The following PAPPA2 variants were observed in gnomAD, a reference collection of about 807,000 sequenced individuals.
PAPPA2 encodes pappalysin-2.
PAPPA2 carries 86 observed loss-of-function variants against 176.4 expected under a neutral mutation model. The observed-to-expected ratio is 0.49, with a 90% CI of 0.41 to 0.58. PAPPA2 has a LOEUF of 0.58. PAPPA2 is among the 20% of genes least tolerant of loss of function. The pLI, the probability that PAPPA2 is intolerant of heterozygous loss-of-function variation, is 0.00. For missense variants in PAPPA2, 2,073 were observed against 2,256.9 expected (o/e 0.92, Z 1.65); for synonymous variants, 809 against 852.2 (o/e 0.95, Z 0.88).
intron 3 of PAPPA2, among the ~76,000 whole-genome samples, chr1:176,662,546 A>T (rs1473007461): frequency 2.7e-5 from 4 of 150,294 alleles, no homozygotes; most frequent in Admixed American, 2.6e-4. Context: ...GCACTTTTTC[A>T]TGTGTATGTT....
chr1:176,530,189 TTCCCAG>T (rs1649734174), intron 1 of PAPPA2, among the ~76,000 whole-genome samples: 1 of 152,186 alleles, frequency 6.6e-6, no homozygotes, highest in African/African-American at 2.4e-5. Flanking sequence ...AGACATGATT[TTCCCAG>T]TCATTTGGAA....
At chr1:176,604,134 C>T (rs757776231) in intron 3 of PAPPA2, among the ~76,000 whole-genome samples, 13 of 152,192 alleles carry the variant, frequency 8.5e-5, no homozygotes, top group Admixed American at 1.3e-4. Context: ...AGCTAACTTT[C>T]CCACTTTCTT....
At chr1:176,770,005 T>A (rs939427282) in intron 16 of PAPPA2, among the ~76,000 whole-genome samples, 2 of 152,248 alleles carry the variant, frequency 1.3e-5, no homozygotes, top group Non-Finnish European at 2.9e-5. Context: ...TGAAGGAATC[T>A]TAGACTTTCC....
chr1:176,609,089 G>C (rs1654769271), intron 3 of PAPPA2, among the ~76,000 whole-genome samples: 1 of 152,196 alleles, frequency 6.6e-6, no homozygotes, highest in African/African-American at 2.4e-5. Flanking sequence ...AGTTCCTATA[G>C]TAATCTAGAT....
chr1:176,708,902 A>G (rs2102831344), intron 10 of PAPPA2, among the ~76,000 whole-genome samples: 1 of 152,260 alleles, frequency 6.6e-6, no homozygotes, highest in African/African-American at 2.4e-5. Flanking sequence ...GTTATTTTGA[A>G]TCTTAATCTT....
intron 2 of PAPPA2, among the ~76,000 whole-genome samples, chr1:176,572,722 CT>C (rs1652422786): frequency 6.6e-6 from 1 of 152,204 alleles, no homozygotes; most frequent in Non-Finnish European, 1.5e-5. Context: ...AATACTAATG[CT>C]GTGAAAGTCA....
rs762972499 is a variant in PAPPA2 at position 176,769,745 on chromosome 1, C to T, written c.4462C>T (p.Arg1488Cys). The T allele has an allele frequency of 3.8e-5, 61 of 1,612,524 alleles. No individual in the cohort carries two copies. The highest frequency in any genetic ancestry group is 8.0e-5 in the African/African-American group (6 of 74,758). ...SCSEGTKFLK[R>C]CSISCVPPAK... ...CTCAGAGGGAACCAAATTTCTGAAACGCTGCTCAATCTCTTGTGTCCCACC... is the reference window on the plus strand; with the variant it reads ...CTCAGAGGGAACCAAATTTCTGAAATGCTGCTCAATCTCTTGTGTCCCACC... Residue 1488 changes from arginine (R) to cysteine (C), a missense_variant, in exon 16 of 23, where the codon CGC becomes TGC. Physicochemically the swap from Arg to Cys is radical, Grantham distance 180 (BLOSUM62 -3). This residue lies in a region of PAPPA2 where 846 missense variants were observed against 857.9 expected (regional missense o/e 0.99). Coordinates refer to ENST00000367662, the MANE Select transcript of PAPPA2 (RefSeq NM_020318.3).
intron 21 of PAPPA2, among the ~76,000 whole-genome samples, chr1:176,822,585 G>C (rs988102167): frequency 2.0e-5 from 3 of 152,156 alleles, no homozygotes; most frequent in African/African-American, 7.2e-5. Flanking sequence ...GAGCTTATGA[G>C]GCTTCTCTTG....
chr1:176,684,405 C>T (rs1346529689), intron 4 of PAPPA2, among the ~76,000 whole-genome samples: 1 of 152,070 alleles, frequency 6.6e-6, no homozygotes, highest in African/African-American at 2.4e-5. Context: ...CCTGAAAGTG[C>T]CTCAGAGTGG....
chr1:176,711,831 T>G lies in PAPPA2; in HGVS notation c.3652-4T>G. 1 of 1,593,502 alleles carries G rather than the reference T, an allele frequency of 6.3e-7. No individual in the cohort carries two copies. The highest frequency in any genetic ancestry group is 1.7e-4 in the Middle Eastern group (1 of 6,010). ...TCAAATTGTTGGTTGAAATTGTATT[T>G]CAGATTTGCACATCATACCATCCAG... On this transcript the variant is annotated splice_polypyrimidine_tract_variant and splice_region_variant and intron_variant, in intron 11 of 22. Transcript: ENST00000367662.
chr1:176,730,508 G>A (rs1256124974), intron 12 of PAPPA2, among the ~76,000 whole-genome samples: 1 of 150,638 alleles, frequency 6.6e-6, no homozygotes, highest in Non-Finnish European at 1.5e-5. Context: ...TCTTGATTAC[G>A]CATGCATGGG....
intron 1 of PAPPA2, among the ~76,000 whole-genome samples, chr1:176,538,851 G>C (rs1650220210): frequency 6.6e-6 from 1 of 152,154 alleles, no homozygotes; most frequent in South Asian, 2.1e-4. Flanking sequence ...TGAGATCCTG[G>C]TTCTGACAGT....
At chr1:176,500,974 T>C (rs1647926878) in intron 1 of PAPPA2, among the ~76,000 whole-genome samples, 1 of 151,806 alleles carries the variant, frequency 6.6e-6, no homozygotes, top group Non-Finnish European at 1.5e-5. Context: ...ATTAACTGCG[T>C]ACTGTCAACC....
chr1:176,519,767 G>T (rs77719263), intron 1 of PAPPA2, among the ~76,000 whole-genome samples: 2,697 of 152,188 alleles, frequency 0.018, 73 homozygotes, highest in African/African-American at 0.062. Flanking sequence ...CTCCACATTT[G>T]CTGGTAGTAT....
intron 21 of PAPPA2, among the ~76,000 whole-genome samples, chr1:176,816,213 C>A (rs1666388643): frequency 1.0e-5 from 1 of 97,292 alleles, no homozygotes; most frequent in Non-Finnish European, 2.1e-5. Context: ...CATACACACA[C>A]ATATATAAAA....
chr1:176,494,644 A>T lies in PAPPA2; in HGVS notation c.-917+31226A>T, dbSNP rs570465604. Reference sequence around the variant, plus strand: ...GAGGGCAGATTTTGGCCTGGGCTATAGACATGTGAGAGCTGGCACACCATA... The same window carrying T: ...GAGGGCAGATTTTGGCCTGGGCTATTGACATGTGAGAGCTGGCACACCATA... On this transcript the variant is annotated intron_variant, in intron 1 of 22. Transcript: ENST00000367662. 5.9e-5 allele frequency among the ~76,000 whole-genome samples: 9 copies of T among 152,304 alleles called. No individual in the cohort carries two copies. The South Asian group carries it at 1.2e-3, about 21-fold the overall frequency.
chr1:176,628,376 A>G (rs1384460562), intron 3 of PAPPA2, among the ~76,000 whole-genome samples: 2 of 152,192 alleles, frequency 1.3e-5, no homozygotes, highest in Non-Finnish European at 2.9e-5. Context: ...CTGAATAAAT[A>G]TCTTTCAATT....
At chr1:176,789,295 C>T (rs1421304438) in intron 17 of PAPPA2, among the ~76,000 whole-genome samples, 2 of 151,926 alleles carry the variant, frequency 1.3e-5, no homozygotes, top group Admixed American at 6.6e-5. Flanking sequence ...AGCAAACTAT[C>T]GCAAGGACAA....
intron 6 of PAPPA2, among the ~76,000 whole-genome samples, chr1:176,694,133 G>A (rs1660250109): frequency 6.6e-6 from 1 of 152,146 alleles, no homozygotes; most frequent in Non-Finnish European, 1.5e-5. Flanking sequence ...ACCCCAGCAG[G>A]TATTTGGAAC....
Sources: allele counts gnomAD v4.1 joint callset (sites outside exome capture counted in the v4.1 genomes callset), GRCh38; gene constraint gnomAD v4.1.1; regional missense constraint gnomAD v4.1.1; transcripts MANE v1.5; gene names NCBI Gene and HGNC (gene_info 2026-07-23, HGNC 2026-07-21).